LRP12: variants seen among roughly 807,000 people sequenced by gnomAD.
LRP12 encodes low-density lipoprotein receptor-related protein 12.
In LRP12, 14 loss-of-function variants were observed where a neutral mutation model predicts 66.0. The observed-to-expected ratio is 0.21, with a 90% CI of 0.14 to 0.33. The LOEUF (loss-of-function observed/expected upper bound fraction) is 0.33, where lower values mean the gene tolerates loss of function less well. LRP12 is among the 10% of genes least tolerant of loss of function. The pLI, the probability that LRP12 is intolerant of heterozygous loss-of-function variation, is 1.00. For synonymous variants in LRP12, 357 were observed against 359.1 expected (o/e 0.99, Z 0.07); for missense variants, 889 against 1,053.4 (o/e 0.84, Z 2.16).
chr8:104,549,871 C>T (rs181728164), intron 1 of LRP12, among the ~76,000 whole-genome samples: 43 of 152,240 alleles, frequency 2.8e-4, no homozygotes, highest in Admixed American at 1.4e-3. Flanking sequence ...CCATTATTTG[C>T]GTCAAGTTTC....
chr8:104,498,156 T>C, intron 4 of LRP12, 80 bp from the exon 5 acceptor site: 2 of 1,304,932 alleles, frequency 1.5e-6, no homozygotes, highest in Non-Finnish European at 2.1e-6. Flanking sequence ...CAGCAAGTGA[T>C]ATTTTTATAA....
chr8:104,579,477 T>C (rs1322654977), intron 1 of LRP12, among the ~76,000 whole-genome samples: 1 of 152,166 alleles, frequency 6.6e-6, no homozygotes, highest in Non-Finnish European at 1.5e-5. Context: ...GTAAGAAGAA[T>C]CAATACTGTT....
intron 1 of LRP12, among the ~76,000 whole-genome samples, chr8:104,588,117 G>A (rs1812363535): frequency 1.3e-5 from 2 of 152,162 alleles, no homozygotes; most frequent in Admixed American, 1.3e-4. Flanking sequence ...TGACCACAGC[G>A]GCGGACGAGG....
chr8:104,490,901 T>G lies in LRP12; in HGVS notation c.2352A>C (p.Ser784=). ...TGGAGCAGTCATTCACATCAAAGTC[T>G]GAAGATCCATCAGAAATTGGAATTA... The part of the protein sequence containing the change: ...EMLIPISDGS[S]DFDVNDCSRP... Residue 784 remains serine (S), a synonymous_variant, in exon 7 of 7, where the codon TCA becomes TCC. Coordinates refer to ENST00000276654, the MANE Select transcript of LRP12 (RefSeq NM_013437.5). The G allele has an allele frequency of 6.2e-7, 1 of 1,614,180 alleles. No individual in the cohort carries two copies.
chr8:104,531,993 A>G (rs1308163558), intron 1 of LRP12, 30 bp from the exon 2 acceptor site: 8 of 1,473,312 alleles, frequency 5.4e-6, no homozygotes, highest in Non-Finnish European at 7.4e-6. Flanking sequence ...ATAAACTAAT[A>G]TCCAAGATAA....
At chr8:104,512,684 G>C (rs1429186774) in intron 2 of LRP12, among the ~76,000 whole-genome samples, 2 of 152,008 alleles carry the variant, frequency 1.3e-5, no homozygotes, top group African/African-American at 4.8e-5. Context: ...AATTTTATTA[G>C]GTTTTGTTTT....
At chr8:104,579,074 C>T (rs983130796) in intron 1 of LRP12, among the ~76,000 whole-genome samples, 5 of 151,920 alleles carry the variant, frequency 3.3e-5, no homozygotes, top group Admixed American at 6.6e-5. Context: ...CTGGAAGTCT[C>T]GGTTAGGGTA....
chr8:104,572,584 A>G (rs1450536175), intron 1 of LRP12, among the ~76,000 whole-genome samples: 7 of 152,156 alleles, frequency 4.6e-5, no homozygotes, highest in Non-Finnish European at 7.3e-5. Context: ...TCTGTTCAAG[A>G]AAAGAATGAC....
At chr8:104,502,204 A>C (rs532054944) in intron 3 of LRP12, among the ~76,000 whole-genome samples, 1 of 152,202 alleles carries the variant, frequency 6.6e-6, no homozygotes, top group South Asian at 2.1e-4. Context: ...TTTACTTGTA[A>C]AGTATGACAC....
At chr8:104,572,994 ATTCT>A (rs1812105222) in intron 1 of LRP12, among the ~76,000 whole-genome samples, 2 of 152,238 alleles carry the variant, frequency 1.3e-5, no homozygotes, top group Non-Finnish European at 2.9e-5. Context: ...TCAGATTCTT[ATTCT>A]TACGTAGTAG....
intron 1 of LRP12, among the ~76,000 whole-genome samples, chr8:104,578,196 G>A (rs1189333693): frequency 6.6e-6 from 1 of 151,460 alleles, no homozygotes; most frequent in Non-Finnish European, 1.5e-5. Flanking sequence ...AGCACAATCA[G>A]AAACAACAAA....
intron 2 of LRP12, among the ~76,000 whole-genome samples, chr8:104,525,084 G>A (rs1410672859): frequency 1.3e-5 from 2 of 151,984 alleles, no homozygotes; most frequent in Admixed American, 1.3e-4. Context: ...GATTAAAAGA[G>A]CCTTCCTACT....
At chr8:104,508,781 C>T (rs763550416) in intron 3 of LRP12, 158 bp downstream of exon 3, 6 of 603,252 alleles carry the variant, frequency 9.9e-6, no homozygotes, top group East Asian at 2.8e-5. Flanking sequence ...TGGGCTGTTA[C>T]TCTTACTCTT....
chr8:104,534,897 TC>T (rs750574251), intron 1 of LRP12, among the ~76,000 whole-genome samples: 8 of 151,460 alleles, frequency 5.3e-5, no homozygotes, highest in Non-Finnish European at 1.0e-4. Context: ...TAATGCCCCC[TC>T]CCAAACCCCA....
chr8:104,528,044 C>G (rs111947415), intron 2 of LRP12, among the ~76,000 whole-genome samples: 7 of 152,232 alleles, frequency 4.6e-5, no homozygotes, highest in African/African-American at 1.4e-4. Context: ...CAGAACAGTC[C>G]TGGTTTTGTC....
chr8:104,493,408 A>C (rs1810668493), intron 6 of LRP12, among the ~76,000 whole-genome samples: 1 of 152,340 alleles, frequency 6.6e-6, no homozygotes, highest in Non-Finnish European at 1.5e-5. Context: ...TTGAAGTAGA[A>C]TTCTCCCACG....
At position 104,564,624 on chromosome 8, in the gene LRP12, CATT is replaced by C. The variant is rs565557607; in HGVS notation, c.79+24192_79+24194del. The stretch of plus-strand genomic sequence containing the variant: ...TAGCTAACTAAAAAAACAAAACTAT[CATT>C]ATGAAAAAAAAAAGAAAATTAGGCT... On this transcript the variant is annotated intron_variant, in intron 1 of 6. Coordinates refer to ENST00000276654, the MANE Select transcript of LRP12 (RefSeq NM_013437.5). Among the ~76,000 whole-genome samples, 18 of 151,568 alleles carry C rather than the reference CATT, an allele frequency of 1.2e-4. No individual in the cohort carries two copies. In the East Asian group the frequency reaches 3.5e-3, roughly 29 times the overall value.
At chr8:104,504,918 T>C (rs906595427) in intron 3 of LRP12, 5 of 152,250 alleles carry the variant, frequency 3.3e-5, no homozygotes, top group Non-Finnish European at 7.3e-5. Flanking sequence ...CAATTGTTAC[T>C]AGTATTTTGT....
chr8:104,496,661 T>C (rs1379037587), intron 5 of LRP12, among the ~76,000 whole-genome samples: 1 of 152,222 alleles, frequency 6.6e-6, no homozygotes, highest in Non-Finnish European at 1.5e-5. Flanking sequence ...TGAATTTGTA[T>C]TTAGAAAAAT....
Sources: gnomAD v4.1 joint callset for allele counts (sites outside exome capture counted in the v4.1 genomes callset) on GRCh38, gnomAD v4.1.1 for gene constraint, MANE v1.5 for transcripts, NCBI Gene and HGNC (gene_info 2026-07-23, HGNC 2026-07-21) for gene names.